The following CDH9 variants were observed in gnomAD, a reference collection of about 807,000 sequenced individuals.
CDH9 encodes the protein cadherin-9.
In CDH9, 28 loss-of-function variants were observed where a neutral mutation model predicts 70.9. The observed-to-expected ratio is 0.40, with a 90% CI of 0.29 to 0.54. The LOEUF (loss-of-function observed/expected upper bound fraction) is 0.54. CDH9 is among the 20% of genes least tolerant of loss of function. CDH9 has a pLI of 0.59. For missense variants in CDH9, 874 were observed against 984.4 expected (o/e 0.89, Z 1.50); for synonymous variants, 409 against 343.1 (o/e 1.19, Z -2.12).
At chr5:26,893,792 A>G (rs1740701552) in intron 7 of CDH9, among the ~76,000 whole-genome samples, 1 of 152,128 alleles carries the variant, frequency 6.6e-6, no homozygotes, top group South Asian at 2.1e-4. Context: ...TTGCAAAATA[A>G]CAATGTAGTA....
rs182264787 is a variant in CDH9 at position 26,881,127 on chromosome 5, A to G, written c.*9T>C. On this transcript the variant is annotated 3_prime_UTR_variant, in exon 12 of 12. Transcript: ENST00000231021. ...CTTCCACTAATATTGATTAAGTCAA[A>G]CAATCCTCTTAGTCTCGGTCACTAT... 1,004 of 1,587,004 alleles carry G rather than the reference A, an allele frequency of 6.3e-4. 8 individuals carry two copies. In the African/African-American group the frequency reaches 0.012, roughly 20 times the overall value.
chr5:27,019,434 A>G (rs1239008223), intron 1 of CDH9, among the ~76,000 whole-genome samples: 3 of 152,040 alleles, frequency 2.0e-5, no homozygotes, highest in Non-Finnish European at 2.9e-5. Context: ...AACACATTTT[A>G]TAACCTAGAA....
At chr5:26,981,030 A>T (rs947209526) in intron 2 of CDH9, among the ~76,000 whole-genome samples, 3 of 152,090 alleles carry the variant, frequency 2.0e-5, no homozygotes, top group Non-Finnish European at 4.4e-5. Flanking sequence ...TAGCATAACT[A>T]ACGCCCCATG....
intron 1 of CDH9, among the ~76,000 whole-genome samples, chr5:26,988,826 G>C (rs1425546301): frequency 6.6e-6 from 1 of 151,912 alleles, no homozygotes; most frequent in Non-Finnish European, 1.5e-5. Context: ...TTAGTAAACT[G>C]TTTTTCTCCT....
At chr5:26,937,104 C>T (rs2127429) in intron 2 of CDH9, among the ~76,000 whole-genome samples, 41,936 of 151,910 alleles carry the variant, frequency 0.28, 6,000 homozygotes, top group South Asian at 0.45. Context: ...AAAAGCCACA[C>T]ACTGAAAAAT....
At chr5:26,942,768 T>G (rs749694952) in intron 2 of CDH9, among the ~76,000 whole-genome samples, 2 of 152,184 alleles carry the variant, frequency 1.3e-5, no homozygotes, top group African/African-American at 2.4e-5. Context: ...ATAGACTAAC[T>G]TGGCTACATA....
chr5:26,909,504 G>A (rs1741010211), intron 3 of CDH9, among the ~76,000 whole-genome samples: 1 of 150,542 alleles, frequency 6.6e-6, no homozygotes, highest in Admixed American at 6.6e-5. Context: ...TCATATCAAA[G>A]AGGTAAACAC....
chr5:26,998,163 A>G, intron 1 of CDH9, among the ~76,000 whole-genome samples: 1 of 152,200 alleles, frequency 6.6e-6, no homozygotes, highest in Non-Finnish European at 1.5e-5. Context: ...AGCAATAGAA[A>G]CAACCAATGC....
chr5:27,006,218 AAGAG>A (rs1392711123), intron 1 of CDH9, among the ~76,000 whole-genome samples: 3 of 152,166 alleles, frequency 2.0e-5, no homozygotes, highest in Admixed American at 6.6e-5. Flanking sequence ...AGTCATATGA[AAGAG>A]AGGTTTAGAT....
chr5:27,027,650 G>T (rs1218058984), intron 1 of CDH9, among the ~76,000 whole-genome samples: 1 of 151,996 alleles, frequency 6.6e-6, no homozygotes, highest in African/African-American at 2.4e-5. Context: ...GACTCTACCT[G>T]TCCTTACGCT....
At chr5:27,025,280 A>G (rs1743202483) in intron 1 of CDH9, among the ~76,000 whole-genome samples, 1 of 152,114 alleles carries the variant, frequency 6.6e-6, no homozygotes, top group Admixed American at 6.6e-5. Flanking sequence ...AAGTTTTCCA[A>G]GCATTCTGCT....
At chr5:26,924,646 C>T (rs1741304662) in intron 2 of CDH9, among the ~76,000 whole-genome samples, 1 of 151,598 alleles carries the variant, frequency 6.6e-6, no homozygotes, top group African/African-American at 2.4e-5. Context: ...TTTGCTGCAC[C>T]CATTAACTCG....
At chr5:26,902,080 C>G (rs1740864165) in intron 7 of CDH9, among the ~76,000 whole-genome samples, 1 of 151,810 alleles carries the variant, frequency 6.6e-6, no homozygotes, top group Admixed American at 6.6e-5. Flanking sequence ...GAGACAAGGA[C>G]TACGGCAACA....
chr5:26,927,452 A>T (rs970065326), intron 2 of CDH9, among the ~76,000 whole-genome samples: 1 of 152,020 alleles, frequency 6.6e-6, no homozygotes, highest in Non-Finnish European at 1.5e-5. Context: ...TAATTAGGAT[A>T]GCTTTGGCTA....
rs56883597 is a variant in CDH9 at position 26,923,069 on chromosome 5, TAA to T, written c.229-7147_229-7146del. Among the ~76,000 whole-genome samples the T allele has an allele frequency of 4.2e-3, 398 of 95,054 alleles. 13 individuals carry two copies. The East Asian group carries it at 0.063, about 15-fold the overall frequency. 62.4% of individuals were successfully genotyped at this position (95,054 alleles called of 152,430 possible). ...TAAGACATAGTGTAGTTACATGAATTAAAAAAAAAAAAAAAAACACAAAAAAA... is the reference window on the plus strand; with the variant it reads ...TAAGACATAGTGTAGTTACATGAATTAAAAAAAAAAAAAAACACAAAAAAA... On this transcript the variant is annotated intron_variant, in intron 2 of 11. Coordinates refer to ENST00000231021, the MANE Select transcript of CDH9 (RefSeq NM_016279.4).
At chr5:26,999,049 A>G (rs1157271929) in intron 1 of CDH9, among the ~76,000 whole-genome samples, 1 of 152,076 alleles carries the variant, frequency 6.6e-6, no homozygotes, top group Non-Finnish European at 1.5e-5. Context: ...GATCGAGACC[A>G]TCCTGGCCAA....
At chr5:27,001,836 A>ACTCTCTCTCTCTCTCTCTCT (rs1422833082) in intron 1 of CDH9, among the ~76,000 whole-genome samples, 2 of 124,728 alleles carry the variant, frequency 1.6e-5, no homozygotes, top group African/African-American at 7.5e-5. Context: ...ACATACACAC[A>ACTCTCTCTCTCTCTCTCTCT]CACACACACT....
chr5:27,020,747 CTA>C (rs111950049), intron 1 of CDH9, among the ~76,000 whole-genome samples: 6,333 of 137,504 alleles, frequency 0.046, 430 homozygotes, highest in African/African-American at 0.16. Context: ...CACACACACA[CTA>C]TATATATATA....
intron 3 of CDH9, among the ~76,000 whole-genome samples, chr5:26,910,776 A>G (rs1253656085): frequency 6.6e-6 from 1 of 152,208 alleles, no homozygotes; most frequent in East Asian, 1.9e-4. Flanking sequence ...GTGAAAAACG[A>G]GTTTAGTCTT....
Sources: gnomAD v4.1 joint callset for allele counts (sites outside exome capture counted in the v4.1 genomes callset) on GRCh38, gnomAD v4.1.1 for gene constraint, MANE v1.5 for transcripts, NCBI Gene and HGNC (gene_info 2026-07-23, HGNC 2026-07-21) for gene names.